POPDC2: variants seen among roughly 807,000 people sequenced by gnomAD.
POPDC2 encodes the protein popeye domain cAMP effector 2, also known as popeye domain-containing protein 2.
A neutral mutation model predicts 30.5 loss-of-function variants in POPDC2; 24 were observed. The ratio of observed to expected loss-of-function variants is 0.79; its 90% CI spans 0.57 to 1.11. The LOEUF (loss-of-function observed/expected upper bound fraction) is 1.11. Ranked by LOEUF, POPDC2 falls within the 50% of genes least tolerant of loss-of-function variation. The pLI, the probability that POPDC2 is intolerant of heterozygous loss-of-function variation, is 0.00. For missense variants in POPDC2, 409 were observed against 447.0 expected (o/e 0.91, Z 0.77); for synonymous variants, 185 against 183.3 (o/e 1.01, Z -0.07).
chr3:119,659,211 G>A (rs977177271), intron 1 of POPDC2, among the ~76,000 whole-genome samples: 23 of 152,274 alleles, frequency 1.5e-4, no homozygotes, highest in African/African-American at 4.8e-4. Context: ...CAAAAGAGGC[G>A]GTGCTTCCAC....
intron 2 of POPDC2, 76 bp downstream of exon 2, chr3:119,654,429 G>T: frequency 1.0e-6 from 1 of 1,001,136 alleles, no homozygotes; most frequent in South Asian, 1.3e-5. Context: ...TGTAAGAGGG[G>T]AAACATGGAG....
intron 1 of POPDC2, among the ~76,000 whole-genome samples, chr3:119,657,831 T>C (rs4687871): frequency 0.42 from 63,445 of 151,672 alleles, 13,570 homozygotes; most frequent in South Asian, 0.54. Flanking sequence ...TTCTCCTAAA[T>C]GAATAGCTTA....
rs762354158 is a variant in POPDC2, at chr3:119,660,461, T to C, written c.-38A>G. The C allele has an allele frequency of 1.3e-6, 2 of 1,567,840 alleles. No homozygotes were observed. Among genetic ancestry groups the C allele is most frequent in the East Asian group, 2.3e-5 (1 of 44,308 alleles). ...TCAAAGCCTCACTGGGCTCTAATAC[T>C]GTCCTCACATAGGAAATTCAGAAAA... On this transcript the variant is annotated 5_prime_UTR_variant, in exon 1 of 4. Coordinates refer to ENST00000493094, the MANE Select transcript of POPDC2 (RefSeq NM_001369919.2).
At chr3:119,659,443 T>A (rs910281318) in intron 1 of POPDC2, among the ~76,000 whole-genome samples, 1 of 152,234 alleles carries the variant, frequency 6.6e-6, no homozygotes, top group African/African-American at 2.4e-5. Context: ...ACAGGGGTTA[T>A]GAGAACCACC....
intron 2 of POPDC2, among the ~76,000 whole-genome samples, chr3:119,650,716 G>A (rs931908506): frequency 5.9e-5 from 9 of 152,122 alleles, no homozygotes; most frequent in South Asian, 4.1e-4. Context: ...CTCACTTGGT[G>A]AGCTCATCCT....
intron 3 of POPDC2, chr3:119,643,247 T>C (rs1478780096): frequency 3.0e-6 from 2 of 669,572 alleles, no homozygotes; most frequent in Non-Finnish European, 5.3e-6. Context: ...ATGATGACAG[T>C]GTGACTCTAA....
chr3:119,652,954 GGA>G (rs1423244437), intron 2 of POPDC2, among the ~76,000 whole-genome samples: 4 of 152,180 alleles, frequency 2.6e-5, no homozygotes, highest in Non-Finnish European at 5.9e-5. Context: ...AAAAGTAGTA[GGA>G]GACACATGGA....
intron 3 of POPDC2, 96 bp from the exon 4 acceptor site, chr3:119,642,657 C>T: frequency 1.3e-6 from 1 of 788,312 alleles, no homozygotes; most frequent in Non-Finnish European, 2.1e-6. Context: ...TTTCCTTTAC[C>T]AATTCCCAAT....
In POPDC2 at chr3:119,660,378, A is replaced by C. The variant is rs1208180723; in HGVS notation, c.46T>G (p.Ser16Ala). The change falls in exon 1 of 4, where the codon TCA (serine) becomes GCA (alanine). Residue 16 changes from serine to alanine, a missense_variant. Physicochemically the swap from Ser to Ala is moderately conservative, Grantham distance 99. Transcript: ENST00000493094. ...TCCTGCTTCCACCTAATGCACGCTG[A>C]ACCCTGCAAGAGAAGCTGGCCCACT... ...SRVGQLLLQGSACIRWKQDVE... is the reference protein window; with the variant it reads ...SRVGQLLLQGAACIRWKQDVE... 1 of 1,613,952 alleles carries C rather than the reference A, an allele frequency of 6.2e-7. No homozygotes were observed. The highest frequency in any genetic ancestry group is 8.5e-7 in the Non-Finnish European group (1 of 1,179,986).
At chr3:119,646,874 C>T (rs1057309811) in intron 3 of POPDC2, among the ~76,000 whole-genome samples, 6 of 152,164 alleles carry the variant, frequency 3.9e-5, no homozygotes, top group African/African-American at 9.6e-5. Context: ...GCAGGATGAA[C>T]GAGTAGGAAG....
chr3:119,643,247 T>A (rs1478780096), intron 3 of POPDC2: 9 of 669,572 alleles, frequency 1.3e-5, no homozygotes, highest in Admixed American at 7.0e-5. Flanking sequence ...ATGATGACAG[T>A]GTGACTCTAA....
intron 2 of POPDC2, among the ~76,000 whole-genome samples, chr3:119,652,851 G>T (rs575550142): frequency 1.3e-5 from 2 of 152,336 alleles, no homozygotes; most frequent in East Asian, 3.9e-4. Flanking sequence ...CAAGTGTCAG[G>T]GTGGGGGCAG....
Position 119,648,512 on chromosome 3 carries a change from A to G in POPDC2, c.757T>C (p.Phe253Leu). 1.2e-6 allele frequency: 2 copies of G among 1,614,156 alleles called. No homozygotes were observed. ...EKLYTLNDKLFAKFGLRFDIR... is the reference protein window; with the variant it reads ...EKLYTLNDKLLAKFGLRFDIR... ...TCAAAGCGCAGCCCAAACTTAGCAAAGAGCTTGTCATTGAGAGTGTAGAGC... is the reference window on the plus strand; with the variant it reads ...TCAAAGCGCAGCCCAAACTTAGCAAGGAGCTTGTCATTGAGAGTGTAGAGC... Residue 253 changes from phenylalanine (F) to leucine (L), a missense_variant, in exon 3 of 4, where the codon TTT becomes CTT. By Grantham distance (22) the Phe-to-Leu change is conservative. Transcript: ENST00000493094.
intron 3 of POPDC2, among the ~76,000 whole-genome samples, chr3:119,644,378 A>C (rs971901346): frequency 2.0e-5 from 3 of 152,218 alleles, no homozygotes; most frequent in African/African-American, 7.2e-5. Flanking sequence ...CTGTAATAAG[A>C]CACAGAATGG....
intron 2 of POPDC2, among the ~76,000 whole-genome samples, chr3:119,649,748 TTATTAGAGATTA>T (rs747313166): frequency 2.0e-5 from 3 of 152,152 alleles, no homozygotes; most frequent in Non-Finnish European, 4.4e-5. Flanking sequence ...CAAACATTCT[TTATTAGAGATTA>T]TATATAATCC....
intron 3 of POPDC2, among the ~76,000 whole-genome samples, chr3:119,645,580 A>AAAAAG (rs2052737292): frequency 6.6e-6 from 1 of 151,588 alleles, no homozygotes; most frequent in African/African-American, 2.4e-5. Flanking sequence ...AAAAAAAAAA[A>AAAAAG]AAAGAAAGAA....
chr3:119,648,321 G>C lies in POPDC2; in HGVS notation c.948C>G (p.Thr316=). 1 of 1,614,156 alleles carries C rather than the reference G, an allele frequency of 6.2e-7. No individual in the cohort carries two copies. Among genetic ancestry groups the C allele is most frequent in the South Asian group, 1.1e-5 (1 of 91,078 alleles). Residue 316 remains threonine (T), a synonymous_variant, in exon 3 of 4, where the codon ACC becomes ACG. Transcript: ENST00000493094. ...QTPPCSTPPA[T]TNFPAPPTRA... Reference sequence around the variant, plus strand: ...GGGTAGGAGGTGCAGGAAAGTTGGTGGTAGCTGGAGGGGTAGAACAAGGGG... The same window carrying C: ...GGGTAGGAGGTGCAGGAAAGTTGGTCGTAGCTGGAGGGGTAGAACAAGGGG...
chr3:119,659,832 G>T (rs950338061), intron 1 of POPDC2, 101 bp downstream of exon 1: 2 of 1,383,390 alleles, frequency 1.4e-6, no homozygotes, highest in East Asian at 2.3e-5. Flanking sequence ...AATGGAAGGG[G>T]ACACGAAATG....
At chr3:119,652,058 C>CT (rs34240291) in intron 2 of POPDC2, among the ~76,000 whole-genome samples, 106,663 of 150,886 alleles carry the variant, frequency 0.71, 37,870 homozygotes, top group Middle Eastern at 0.77. Flanking sequence ...AAGTATTTAG[C>CT]TTTTTTTTTA....
Sources: gnomAD v4.1 joint callset for allele counts (sites outside exome capture counted in the v4.1 genomes callset) on GRCh38, gnomAD v4.1.1 for gene constraint, MANE v1.5 for transcripts, NCBI Gene and HGNC (gene_info 2026-07-23, HGNC 2026-07-21) for gene names.